Variants in ROBO2 observed in about 807,000 individuals in gnomAD.
The protein encoded by ROBO2 is roundabout homolog 2.
ROBO2 carries 53 observed loss-of-function variants against 160.8 expected under a neutral mutation model. The ratio of observed to expected loss-of-function variants is 0.33; its 90% confidence interval spans 0.26 to 0.41. The LOEUF (loss-of-function observed/expected upper bound fraction) is 0.41. ROBO2 is among the 10% of genes least tolerant of loss of function. ROBO2 has a pLI of 1.00. For missense variants in ROBO2, 1,577 were observed against 1,722.4 expected, an observed-to-expected ratio of 0.92 and a Z score of 1.49; for synonymous variants, 664 against 611.7, an observed-to-expected ratio of 1.09 and a Z score of -1.26.
rs1222895162 is a variant in ROBO2 at position 76,404,912 on chromosome 3, G to A, written c.109+467310G>A. 2.0e-5 allele frequency among the ~76,000 whole-genome samples: 3 copies of A among 151,746 alleles called. No homozygotes were observed. In the East Asian group the frequency reaches 5.8e-4, roughly 29 times the overall value. ...TTATAAAATGCAAATATTCTGTCTTGTTTGAATAATGGAGTACTTACATAT... is the reference window on the plus strand; with the variant it reads ...TTATAAAATGCAAATATTCTGTCTTATTTGAATAATGGAGTACTTACATAT... On this transcript the variant is annotated intron_variant, in intron 2 of 26. Transcript: ENST00000487694.
chr3:76,702,422 A>G (rs917160999), intron 2 of ROBO2, among the ~76,000 whole-genome samples: 3 of 151,990 alleles, frequency 2.0e-5, no homozygotes, highest in Admixed American at 1.3e-4. Flanking sequence ...ACATAGGGGG[A>G]AAAATCAATT....
At chr3:76,385,607 T>A (rs994696461) in intron 2 of ROBO2, among the ~76,000 whole-genome samples, 1 of 152,254 alleles carries the variant, frequency 6.6e-6, no homozygotes, top group Non-Finnish European at 1.5e-5. Flanking sequence ...AGAATTTGCA[T>A]AATCACATAA....
In ROBO2 at chr3:76,619,779, G is replaced by A. The variant is rs141979777; in HGVS notation, c.110-478235G>A. 6.2e-4 allele frequency among the ~76,000 whole-genome samples: 95 copies of A among 152,246 alleles called. 1 individual carries two copies. Among genetic ancestry groups the A allele is most frequent in the South Asian group, 6.2e-3 (30 of 4,830 alleles). Reference sequence around the variant, plus strand: ...CAAAACTGTTAAATCATTCAGCCGAGGTGAGCTCGGAACCCATGATTGGCA... The same window carrying A: ...CAAAACTGTTAAATCATTCAGCCGAAGTGAGCTCGGAACCCATGATTGGCA... On this transcript the variant is annotated intron_variant, in intron 2 of 26. Coordinates refer to the ROBO2 transcript ENST00000487694.
Position 76,474,665 on chromosome 3 carries a change from A to G in ROBO2, c.109+537063A>G, listed in dbSNP as rs147265550. On this transcript the variant is annotated intron_variant, in intron 2 of 26. Coordinates refer to the ROBO2 transcript ENST00000487694. ...GTCAACTGGACATTGTCACAAAAATACTATGTATCAATCACCAAAATTTCA... is the reference window on the plus strand; with the variant it reads ...GTCAACTGGACATTGTCACAAAAATGCTATGTATCAATCACCAAAATTTCA... 4.3e-4 allele frequency among the ~76,000 whole-genome samples: 66 copies of G among 152,266 alleles called. 1 individual carries two copies. The East Asian group carries it at 0.012, about 29-fold the overall frequency.
At chr3:76,974,099 TTTCTC>T (rs750856415) in intron 2 of ROBO2, among the ~76,000 whole-genome samples, 3 of 152,288 alleles carry the variant, frequency 2.0e-5, no homozygotes, top group East Asian at 3.9e-4. Context: ...AGATTAGTCT[TTTCTC>T]ATTCATATAG....
intron 2 of ROBO2, among the ~76,000 whole-genome samples, chr3:77,368,308 A>C (rs576172431): frequency 2.0e-5 from 3 of 152,282 alleles, no homozygotes; most frequent in South Asian, 2.1e-4. Context: ...AAGAGCACAT[A>C]AGAAATTTAT....
intron 2 of ROBO2, among the ~76,000 whole-genome samples, chr3:76,339,886 CAT>C (rs1462757045): frequency 1.3e-5 from 2 of 152,002 alleles, no homozygotes; most frequent in Non-Finnish European, 2.9e-5. Context: ...CAAATATTAA[CAT>C]ATATATGTGT....
chr3:77,622,454 G>T (rs545620188), intron 23 of ROBO2, 22 bp downstream of exon 24: 1 of 1,607,814 alleles, frequency 6.2e-7, no homozygotes, highest in South Asian at 1.1e-5. Flanking sequence ...AATTTAATAG[G>T]AAAAACTGAC....
chr3:76,293,531 A>G (rs1708912750), intron 2 of ROBO2, among the ~76,000 whole-genome samples: 1 of 152,210 alleles, frequency 6.6e-6, no homozygotes, highest in African/African-American at 2.4e-5. Context: ...TCCAAAAAAA[A>G]GTAATAAAAA....
chr3:76,606,040 T>C (rs1386524855), intron 2 of ROBO2, among the ~76,000 whole-genome samples: 4 of 152,136 alleles, frequency 2.6e-5, no homozygotes, highest in Non-Finnish European at 4.4e-5. Context: ...CTAGGATGTA[T>C]TGTATACATG....
At chr3:77,076,463 G>A (rs1256555427) in intron 1 of ROBO2, among the ~76,000 whole-genome samples, 4 of 151,718 alleles carry the variant, frequency 2.6e-5, no homozygotes, top group East Asian at 1.9e-4. Context: ...GTTTTTAAGC[G>A]ATATTCTAAA....
At chr3:77,031,590 AAATTAT>A (rs2063327611) in intron 2 of ROBO2, among the ~76,000 whole-genome samples, 1 of 146,146 alleles carries the variant, frequency 6.8e-6, no homozygotes, top group African/African-American at 2.5e-5. Flanking sequence ...TACATATATT[AAATTAT>A]AAGTATATCA....
intron 2 of ROBO2, among the ~76,000 whole-genome samples, chr3:76,422,485 A>G (rs958764626): frequency 1.3e-5 from 2 of 152,194 alleles, no homozygotes; most frequent in African/African-American, 2.4e-5. Context: ...TCAACTTCTC[A>G]ACAAAGATTA....
intron 2 of ROBO2, among the ~76,000 whole-genome samples, chr3:77,367,111 G>C (rs1328909529): frequency 6.6e-6 from 1 of 152,088 alleles, no homozygotes; most frequent in African/African-American, 2.4e-5. Flanking sequence ...TGAACCTTTT[G>C]TGTCATAATC....
At position 76,745,799 on chromosome 3, in the gene ROBO2, TTTTATTTATTTATTTA is replaced by T. The variant is rs199745180; in HGVS notation, c.110-352191_110-352176del. Among the ~76,000 whole-genome samples the T allele has an allele frequency of 3.7e-4, 53 of 143,244 alleles. No individual in the cohort carries two copies. In the East Asian group the frequency reaches 3.9e-3, roughly 10 times the overall value. The allele number at this position is 143,244 out of a possible 152,430, so 94.0% of individuals were successfully genotyped here. A position where few individuals can be genotyped will look rare whatever the true frequency, so the allele number is the denominator to read the frequency against. On this transcript the variant is annotated intron_variant, in intron 2 of 26. Transcript: ENST00000487694. ...CAAATAATTTTTTTAAAAAATTTATTTTTATTTATTTATTTATTTATTTATTTATTTATTTATTTTA... is the reference window on the plus strand; with the variant it reads ...CAAATAATTTTTTTAAAAAATTTATTTTTATTTATTTATTTATTTATTTTA...
At chr3:77,354,784 G>T (rs2068831056) in intron 2 of ROBO2, among the ~76,000 whole-genome samples, 1 of 152,206 alleles carries the variant, frequency 6.6e-6, no homozygotes, top group Non-Finnish European at 1.5e-5. Context: ...TTTGGAAAGA[G>T]TGAAAAGTCA....
intron 19 of ROBO2, among the ~76,000 whole-genome samples, chr3:77,601,046 C>A (rs994463875): frequency 6.6e-5 from 10 of 152,002 alleles, no homozygotes; most frequent in Non-Finnish European, 1.3e-4. Flanking sequence ...ATGCAGTGTA[C>A]AAAATATAGT....
intron 2 of ROBO2, among the ~76,000 whole-genome samples, chr3:77,474,075 G>T (rs1350381454): frequency 1.3e-5 from 2 of 152,110 alleles, no homozygotes; most frequent in East Asian, 3.9e-4. Context: ...GAGCTCAAAT[G>T]ATATCGCAGA....
intron 2 of ROBO2, among the ~76,000 whole-genome samples, chr3:76,689,363 A>G (rs972026918): frequency 6.6e-6 from 1 of 152,142 alleles, no homozygotes; most frequent in Admixed American, 6.6e-5. Flanking sequence ...GACAATTACA[A>G]TACAATGCAT....
Sources: gnomAD v4.1 joint callset for allele counts (sites outside exome capture counted in the v4.1 genomes callset) on GRCh38, gnomAD v4.1.1 for gene constraint, MANE v1.5 for transcripts, NCBI Gene and HGNC (gene_info 2026-07-23, HGNC 2026-07-21) for gene names.